The following ARHGEF38 variants were observed in gnomAD, a reference collection of about 807,000 sequenced individuals.
The protein encoded by ARHGEF38 is Rho guanine nucleotide exchange factor 38.
Under a neutral mutation model 79.9 loss-of-function variants are expected in ARHGEF38, and 79 were observed. The observed-to-expected ratio is 0.99, with a 90% CI of 0.82 to 1.19. The LOEUF (loss-of-function observed/expected upper bound fraction) is 1.19. Ranked by LOEUF, ARHGEF38 falls within the 50% of genes most tolerant of loss-of-function variation. The pLI, the probability that ARHGEF38 is intolerant of heterozygous loss-of-function variation, is 0.00. For missense variants in ARHGEF38, 962 were observed against 907.2 expected (o/e 1.06, Z -0.78); for synonymous variants, 366 against 328.3 (o/e 1.11, Z -1.24).
At chr4:105,613,981 C>T (rs1368520095) in intron 3 of ARHGEF38, among the ~76,000 whole-genome samples, 2 of 152,080 alleles carry the variant, frequency 1.3e-5, no homozygotes, top group African/African-American at 4.8e-5. Flanking sequence ...ACAAGTTCTA[C>T]TTTTTTTCAT....
intron 2 of ARHGEF38, among the ~76,000 whole-genome samples, chr4:105,595,656 C>T (rs1164354217): frequency 6.6e-6 from 1 of 152,104 alleles, no homozygotes; most frequent in African/African-American, 2.4e-5. Flanking sequence ...TACCAAAATA[C>T]ATGGAAGCTT....
intron 4 of ARHGEF38, among the ~76,000 whole-genome samples, chr4:105,635,532 A>T (rs1016025311): frequency 6.6e-6 from 1 of 152,126 alleles, no homozygotes; most frequent in African/African-American, 2.4e-5. Context: ...TTCCTAAATG[A>T]TCACATTATT....
At chr4:105,665,970 A>G (rs773706265) in intron 10 of ARHGEF38, among the ~76,000 whole-genome samples, 1 of 151,954 alleles carries the variant, frequency 6.6e-6, no homozygotes, top group Non-Finnish European at 1.5e-5. Flanking sequence ...TTGGCTTGAA[A>G]CTTAAAAAAA....
At chr4:105,568,493 T>C (rs1218954663) in intron 1 of ARHGEF38, among the ~76,000 whole-genome samples, 1 of 152,188 alleles carries the variant, frequency 6.6e-6, no homozygotes, top group Non-Finnish European at 1.5e-5. Flanking sequence ...TTACTGGGTA[T>C]ATACCCAAAG....
intron 1 of ARHGEF38, among the ~76,000 whole-genome samples, chr4:105,566,418 T>A (rs1200785585): frequency 2.0e-5 from 3 of 152,190 alleles, no homozygotes; most frequent in African/African-American, 4.8e-5. Flanking sequence ...TTAATTTTTT[T>A]ATTTTTAATT....
intron 1 of ARHGEF38, chr4:105,561,514 A>AATGGAATG (rs1725616685): frequency 2.3e-5 from 3 of 131,708 alleles, no homozygotes; most frequent in African/African-American, 2.8e-5. Flanking sequence ...AGAATAGAAT[A>AATGGAATG]GAATAGAATA....
intron 2 of ARHGEF38, among the ~76,000 whole-genome samples, chr4:105,591,489 A>G (rs1727337054): frequency 6.6e-6 from 1 of 152,166 alleles, no homozygotes; most frequent in South Asian, 2.1e-4. Context: ...TTGGCCTCCC[A>G]AAGTGCTGGG....
chr4:105,628,068 T>C (rs1236909705), intron 3 of ARHGEF38, among the ~76,000 whole-genome samples: 1 of 152,132 alleles, frequency 6.6e-6, no homozygotes, highest in Non-Finnish European at 1.5e-5. Context: ...GTAAGAGCTA[T>C]AAATTCTTTC....
At chr4:105,587,323 A>AAAAACAG (rs1727101150) in intron 1 of ARHGEF38, among the ~76,000 whole-genome samples, 1 of 152,222 alleles carries the variant, frequency 6.6e-6, no homozygotes, top group Admixed American at 6.5e-5. Flanking sequence ...ACAAAAAACA[A>AAAAACAG]AAAAACAAAT....
At chr4:105,659,401 G>A (rs1249044590) in intron 10 of ARHGEF38, 36 bp downstream of exon 10, 6 of 1,509,838 alleles carry the variant, frequency 4.0e-6, no homozygotes, top group Non-Finnish European at 5.3e-6. Context: ...AGCTACCTTG[G>A]CCTACTGGAT....
chr4:105,673,240 C>A (rs1428584390), intron 13 of ARHGEF38, among the ~76,000 whole-genome samples: 2 of 151,968 alleles, frequency 1.3e-5, no homozygotes, highest in East Asian at 1.9e-4. Context: ...TTCTTGGGGT[C>A]CATCCTAGAA....
At chr4:105,629,418 A>G (rs936104571) in intron 3 of ARHGEF38, among the ~76,000 whole-genome samples, 11 of 152,102 alleles carry the variant, frequency 7.2e-5, no homozygotes, top group African/African-American at 2.4e-4. Context: ...TCTTCATGCA[A>G]GTAGGAAGTT....
intron 6 of ARHGEF38, among the ~76,000 whole-genome samples, chr4:105,648,250 A>G (rs1284160314): frequency 6.6e-6 from 1 of 151,960 alleles, no homozygotes; most frequent in Non-Finnish European, 1.5e-5. Context: ...TAATAAATGT[A>G]TTATCTGAGA....
chr4:105,576,261 G>A (rs1297383784), intron 1 of ARHGEF38, among the ~76,000 whole-genome samples: 1 of 152,048 alleles, frequency 6.6e-6, no homozygotes, highest in Non-Finnish European at 1.5e-5. Flanking sequence ...TCACAGTATT[G>A]ATTATTCCAA....
chr4:105,555,915 C>T (rs994767934), intron 1 of ARHGEF38, among the ~76,000 whole-genome samples: 11 of 152,082 alleles, frequency 7.2e-5, no homozygotes, highest in African/African-American at 2.4e-4. Context: ...GTTGTAATAA[C>T]AATTTTAAAA....
chr4:105,604,361 G>A (rs375220236), intron 2 of ARHGEF38, among the ~76,000 whole-genome samples: 4 of 152,200 alleles, frequency 2.6e-5, no homozygotes, highest in Admixed American at 6.5e-5. Flanking sequence ...TACCAGTTTC[G>A]TCCGTAATTC....
intron 5 of ARHGEF38, among the ~76,000 whole-genome samples, chr4:105,642,632 T>A (rs779790282): frequency 1.1e-4 from 17 of 152,202 alleles, no homozygotes; most frequent in Non-Finnish European, 2.1e-4. Context: ...ATGTACTCTA[T>A]CAAAATGAGG....
At chr4:105,588,649 G>T (rs1256276072) in intron 1 of ARHGEF38, among the ~76,000 whole-genome samples, 1 of 152,142 alleles carries the variant, frequency 6.6e-6, no homozygotes. Flanking sequence ...GAAATAACAA[G>T]ATATGCTTGG....
chr4:105,555,249 T>C (rs1026946580), intron 1 of ARHGEF38, among the ~76,000 whole-genome samples: 19 of 151,936 alleles, frequency 1.3e-4, no homozygotes, highest in African/African-American at 1.7e-4. Context: ...CCAAGAAGTA[T>C]AGAGGAGCAC....
Sources: allele counts gnomAD v4.1 joint callset (sites outside exome capture counted in the v4.1 genomes callset), GRCh38; gene constraint gnomAD v4.1.1; transcripts MANE v1.5; gene names NCBI Gene and HGNC (gene_info 2026-07-23, HGNC 2026-07-21).